CTNNAL1: variants seen among roughly 807,000 people sequenced by gnomAD.
CTNNAL1 encodes the protein alpha-catulin.
CTNNAL1 carries 69 observed loss-of-function variants against 93.6 expected under a neutral mutation model. The observed-to-expected ratio is 0.74, with a 90% CI of 0.61 to 0.90. The LOEUF (loss-of-function observed/expected upper bound fraction) is 0.90. Ranked by LOEUF, CTNNAL1 falls within the 40% of genes least tolerant of loss-of-function variation. The probability of loss-of-function intolerance (pLI) is 0.00; values close to 1 mark genes in which losing one functional copy is unlikely to be tolerated. For missense variants in CTNNAL1, 836 were observed against 862.0 expected, an observed-to-expected ratio of 0.97 and a Z score of 0.38; for synonymous variants, 286 against 305.4, an observed-to-expected ratio of 0.94 and a Z score of 0.66.
chr9:108,970,478 C>G lies in CTNNAL1; in HGVS notation c.1364G>C (p.Arg455Pro). The G allele has an allele frequency of 5.0e-6, 8 of 1,611,058 alleles. No individual in the cohort carries two copies. The highest frequency in any genetic ancestry group is 6.8e-6 in the Non-Finnish European group (8 of 1,178,810). ...CAGAGGTTCTGTCCCAGATATGTGTCGTAACAATCGACAGGTCTACAAGAC... is the reference window on the plus strand; with the variant it reads ...CAGAGGTTCTGTCCCAGATATGTGTGGTAACAATCGACAGGTCTACAAGAC... ...EQLVETCRLL[R>P]HISGTEPLEI... is the part of the protein sequence containing the mutation. Residue 455 changes from arginine (R) to proline (P), a missense_variant, in exon 10 of 19, where the codon CGA (arginine) becomes CCA (proline). By Grantham distance (103) the Arg-to-Pro change is moderately radical. Coordinates refer to ENST00000325551, the MANE Select transcript of CTNNAL1 (RefSeq NM_003798.4).
intron 15 of CTNNAL1, among the ~76,000 whole-genome samples, chr9:108,947,838 A>C (rs1365945651): frequency 6.6e-6 from 1 of 152,228 alleles, no homozygotes; most frequent in Non-Finnish European, 1.5e-5. Context: ...CAATTCAATA[A>C]TGAAGAGGCC....
At chr9:108,949,690 A>C (rs1587943182) in intron 14 of CTNNAL1, among the ~76,000 whole-genome samples, 1 of 152,196 alleles carries the variant, frequency 6.6e-6, no homozygotes, top group East Asian at 1.9e-4. Flanking sequence ...CTAAAACTAC[A>C]AAAATTAGCC....
At chr9:108,947,993 A>G (rs1444419488) in intron 15 of CTNNAL1, among the ~76,000 whole-genome samples, 193 bp downstream of exon 15, 1 of 152,188 alleles carries the variant, frequency 6.6e-6, no homozygotes, top group African/African-American at 2.4e-5. Context: ...TTTCTTTCCA[A>G]TGAGGTCAGG....
At chr9:108,954,550 T>C (rs1325672706) in intron 12 of CTNNAL1, among the ~76,000 whole-genome samples, 1 of 152,220 alleles carries the variant, frequency 6.6e-6, no homozygotes. Context: ...ATATTAGCTA[T>C]AAAACCATCT....
intron 1 of CTNNAL1, among the ~76,000 whole-genome samples, chr9:109,006,355 A>G (rs551285664): frequency 2.0e-5 from 3 of 152,228 alleles, no homozygotes; most frequent in Non-Finnish European, 2.9e-5. Context: ...GGTACATACT[A>G]TTATTACCCT....
intron 4 of CTNNAL1, among the ~76,000 whole-genome samples, chr9:108,990,484 G>T (rs1371195794): frequency 6.6e-6 from 1 of 152,208 alleles, no homozygotes; most frequent in Non-Finnish European, 1.5e-5. Flanking sequence ...GTTGAGCCCT[G>T]ATAGCAAGTA....
intron 2 of CTNNAL1, among the ~76,000 whole-genome samples, chr9:108,993,938 A>T (rs1177477949): frequency 6.6e-6 from 1 of 152,208 alleles, no homozygotes; most frequent in East Asian, 1.9e-4. Context: ...AAGGTTTGGA[A>T]AGATCAGTCT....
intron 14 of CTNNAL1, among the ~76,000 whole-genome samples, chr9:108,950,016 T>C (rs1479944210): frequency 8.4e-6 from 1 of 118,422 alleles, no homozygotes; most frequent in Admixed American, 1.0e-4. Context: ...AGAGCAAGGC[T>C]ACATCTCAAA....
chr9:108,969,265 G>A (rs1363734017), intron 10 of CTNNAL1, among the ~76,000 whole-genome samples: 1 of 145,632 alleles, frequency 6.9e-6, no homozygotes, highest in Non-Finnish European at 1.5e-5. Context: ...GCTAGACTCC[G>A]TCTCAAAAAA....
At chr9:108,989,912 G>A (rs546085411) in intron 4 of CTNNAL1, among the ~76,000 whole-genome samples, 38 of 152,086 alleles carry the variant, frequency 2.5e-4, no homozygotes, top group Non-Finnish European at 4.3e-4. Flanking sequence ...TTAGCTGGGC[G>A]TGGTGGTGCA....
chr9:108,957,373 G>A (rs1005576879), intron 11 of CTNNAL1, among the ~76,000 whole-genome samples: 2 of 151,984 alleles, frequency 1.3e-5, no homozygotes, highest in African/African-American at 4.8e-5. Flanking sequence ...TCCCGCCTTG[G>A]CCTGCCAAAG....
rs886409157 is a variant in CTNNAL1, at chr9:108,954,377, A to C, written c.1629+1413T>G. On this transcript the variant is annotated intron_variant, in intron 12 of 18. Coordinates refer to ENST00000325551, the MANE Select transcript of CTNNAL1 (RefSeq NM_003798.4). ...TGACTCTGAAATGATTTGTTACTAA[A>C]GATAAAAAATACTATTCAGTTGAAT... 2.0e-5 allele frequency among the ~76,000 whole-genome samples: 3 copies of C among 152,354 alleles called. No homozygotes were observed. The Middle Eastern group carries it at 0.01, about 518-fold the overall frequency.
intron 14 of CTNNAL1, 37 bp from the exon 15 acceptor site, chr9:108,948,271 G>T (rs1200711546): frequency 6.3e-7 from 1 of 1,581,194 alleles, no homozygotes. Context: ...GTAACAAAAA[G>T]TTATTACCTG....
intron 3 of CTNNAL1, among the ~76,000 whole-genome samples, chr9:108,991,627 AG>A (rs1564143758): frequency 6.6e-6 from 1 of 152,188 alleles, no homozygotes; most frequent in Non-Finnish European, 1.5e-5. Context: ...CTGGCAGCTC[AG>A]GAAGTTCAGG....
chr9:108,972,852 G>T lies in CTNNAL1; in HGVS notation c.1189-19C>A, dbSNP rs1564132936. 4 of 1,320,704 alleles carry T rather than the reference G, an allele frequency of 3.0e-6. No homozygotes were observed. Among genetic ancestry groups the T allele is most frequent in the East Asian group, 5.7e-5 (2 of 35,202 alleles). The allele number at this position is 1,320,704 out of a possible 1,614,324, so 81.8% of individuals were successfully genotyped here. On this transcript the variant is annotated intron_variant, in intron 8 of 18. Transcript: ENST00000325551. Reference sequence around the variant, plus strand: ...TATGAAGCTGCAGATGTGTGTGTGGGTGGGGGGGTGGGAGGGTGGAGAAGG... The same window carrying T: ...TATGAAGCTGCAGATGTGTGTGTGGTTGGGGGGGTGGGAGGGTGGAGAAGG...
intron 11 of CTNNAL1, among the ~76,000 whole-genome samples, chr9:108,962,616 C>T (rs1339547347): frequency 6.6e-6 from 1 of 151,838 alleles, no homozygotes; most frequent in Non-Finnish European, 1.5e-5. Context: ...GCTAGTCCTC[C>T]CTAGAGTAGG....
intron 14 of CTNNAL1, among the ~76,000 whole-genome samples, chr9:108,950,044 C>T (rs1387044280): frequency 6.7e-6 from 1 of 148,940 alleles, no homozygotes; most frequent in Non-Finnish European, 1.5e-5. Context: ...AAAAAAAAAC[C>T]AGGCAAGTCT....
At chr9:108,965,750 T>G (rs1187497458) in intron 10 of CTNNAL1, among the ~76,000 whole-genome samples, 2 of 152,216 alleles carry the variant, frequency 1.3e-5, no homozygotes, top group African/African-American at 2.4e-5. Flanking sequence ...TATGCATTAT[T>G]ATATACAAAC....
In CTNNAL1 at chr9:108,987,168, C is replaced by T. The variant is rs952753421; in HGVS notation, c.640-2732G>A. On this transcript the variant is annotated intron_variant, in intron 4 of 18. Transcript: ENST00000325551. ...AGGGTTTTTATGGTTTTAGGTCTAACGTTTAAGTCTTTAATCCGTCTTGAA... is the reference window on the plus strand; with the variant it reads ...AGGGTTTTTATGGTTTTAGGTCTAATGTTTAAGTCTTTAATCCGTCTTGAA... Among the ~76,000 whole-genome samples, 1,126 of 152,122 alleles carry T rather than the reference C, an allele frequency of 7.4e-3. 14 individuals are homozygous for T. Among genetic ancestry groups the T allele is most frequent in the African/African-American group, 0.025 (1,037 of 41,490 alleles).
Sources: allele counts gnomAD v4.1 joint callset (sites outside exome capture counted in the v4.1 genomes callset), GRCh38; gene constraint gnomAD v4.1.1; transcripts MANE v1.5; gene names NCBI Gene and HGNC (gene_info 2026-07-23, HGNC 2026-07-21).